The following PDLIM3 variants were observed in gnomAD, a reference collection of about 807,000 sequenced individuals.
The protein encoded by PDLIM3 is PDZ and LIM domain 3.
In PDLIM3, 36 loss-of-function variants were observed where a neutral mutation model predicts 37.3. That is an observed-to-expected ratio of 0.97 (90% CI 0.74 to 1.28). The LOEUF (loss-of-function observed/expected upper bound fraction) is 1.28, where lower values mean the gene tolerates loss of function less well. PDLIM3 is among the 50% of genes most tolerant of loss of function. The pLI is 0.00. For missense variants in PDLIM3, 454 were observed against 485.0 expected (o/e 0.94, Z 0.60); for synonymous variants, 174 against 182.4 (o/e 0.95, Z 0.37).
chr4:185,523,424 G>C lies in PDLIM3; in HGVS notation c.268C>G (p.Pro90Ala), dbSNP rs1355493976. The C allele has an allele frequency of 1.9e-5, 30 of 1,608,848 alleles. No homozygotes were observed. The highest frequency in any genetic ancestry group is 2.5e-5 in the Non-Finnish European group (29 of 1,175,566). ...IDRGETHLWS[P>A]QVSEDGKAHP... ...GCTTTCCCATCTTCAGATACTTGTG[G>C]AGACCATAAGTGAGTTTCTCCCCTG... Residue 90 changes from proline (P) to alanine (A), a missense_variant, in exon 3 of 8, where the codon CCA (proline) becomes GCA (alanine). Coordinates refer to ENST00000284767, the MANE Select transcript of PDLIM3 (RefSeq NM_014476.6).
At chr4:185,524,994 T>C (rs921228965) in intron 2 of PDLIM3, 26 bp downstream of exon 2, 2 of 1,612,242 alleles carry the variant, frequency 1.2e-6, no homozygotes, top group Non-Finnish European at 8.5e-7. Flanking sequence ...ACAGATCAGA[T>C]TTAAGCACCA....
At chr4:185,513,874 T>G in intron 4 of PDLIM3, 1 of 1,160,464 alleles carries the variant, frequency 8.6e-7, no homozygotes, top group Non-Finnish European at 1.1e-6. Context: ...CATTCTGGCT[T>G]GTTCACCTGA....
At position 185,504,337 on chromosome 4, in the gene PDLIM3, G is replaced by A; in HGVS notation, c.905+138C>T. 2.8e-6 allele frequency: 2 copies of A among 714,962 alleles called. No homozygotes were observed. The highest frequency in any genetic ancestry group is 4.6e-4 in the Middle Eastern group (2 of 4,320). The allele number at this position is 714,962 out of a possible 1,614,324, so 44.3% of individuals were successfully genotyped here. On this transcript the variant is annotated intron_variant, in intron 7 of 7. Coordinates refer to ENST00000284767, the MANE Select transcript of PDLIM3 (RefSeq NM_014476.6). The surrounding 1 kb of genome is among the most constrained non-coding windows in gnomAD (Gnocchi z 4.7). ...GAGTGACAGTCACAATGTGCTAAAT[G>A]TTGGGGACCTTACGTTTCAAGTTGA...
Position 185,506,568 on chromosome 4 carries a change from C to T in PDLIM3, c.747G>A (p.Gln249=). 6.2e-7 allele frequency: 1 copy of T among 1,613,464 alleles called. No homozygotes were observed. Among genetic ancestry groups the T allele is most frequent in the Non-Finnish European group, 8.5e-7 (1 of 1,180,026 alleles). Reference sequence around the variant, plus strand: ...CCTGGAGCACTCTGAAGGAGCCCGACTGGCGAGGCTGTGTGGGCTCATTCC... The same window carrying T: ...CCTGGAGCACTCTGAAGGAGCCCGATTGGCGAGGCTGTGTGGGCTCATTCC... ...DNRNEPTQPR[Q]SGSFRVLQGM... Residue 249 remains glutamine, a synonymous_variant, in exon 6 of 8, where the codon CAG becomes CAA. Transcript: ENST00000284767.
rs878854983 is a variant in PDLIM3 at position 185,506,537 on chromosome 4, C to T, written c.778G>A (p.Val260Met). The T allele has an allele frequency of 3.1e-6, 5 of 1,613,674 alleles. No homozygotes were observed. Among genetic ancestry groups the T allele is most frequent in the Non-Finnish European group, 3.4e-6 (4 of 1,180,036 alleles). ...GGCTGCTCACCAGAGCCATCGTCCA[C>T]CATTCCCTGGAGCACTCTGAAGGAG... The part of the protein sequence containing the change: ...SGSFRVLQGM[V>M]DDGSDDRPAG... Residue 260 changes from valine to methionine, a missense_variant, in exon 6 of 8, where the codon GTG (valine) becomes ATG (methionine). Physicochemically the swap from Val to Met is conservative, Grantham distance 21 (BLOSUM62 1). Transcript: ENST00000284767.
intron 3 of PDLIM3, 93 bp downstream of exon 3, chr4:185,523,269 C>G (rs1192985888): frequency 2.4e-6 from 2 of 832,272 alleles, no homozygotes; most frequent in African/African-American, 1.7e-5. Context: ...GTGGCTTGTT[C>G]CAATTTTTCT....
chr4:185,529,364 T>C (rs1301869525), intron 1 of PDLIM3, among the ~76,000 whole-genome samples: 1 of 152,262 alleles, frequency 6.6e-6, no homozygotes, highest in Admixed American at 6.5e-5. Context: ...GCATCTATAA[T>C]GTCCTATTTA....
chr4:185,515,592 T>C (rs1441461700), intron 3 of PDLIM3: 1 of 152,214 alleles, frequency 6.6e-6, no homozygotes, highest in African/African-American at 2.4e-5. Context: ...ATGTTTACTC[T>C]AGTCCCCAAA....
chr4:185,514,992 CACG>C lies in PDLIM3; in HGVS notation c.331-658_331-656del. On this transcript the variant is annotated intron_variant, in intron 3 of 7. Transcript: ENST00000284767. The surrounding 1 kb of genome is among the most constrained non-coding windows in gnomAD (Gnocchi z 4.0). ...TACTGTTAATAAAGGCATCTTTACC[CACG>C]ACGAGATTGACGGAAAGATTAGAGG... The C allele has an allele frequency of 1.1e-6, 1 of 894,646 alleles. No homozygotes were observed. The highest frequency in any genetic ancestry group is 1.6e-6 in the Non-Finnish European group (1 of 609,640). The allele number at this position is 894,646 out of a possible 1,614,324, so 55.4% of individuals were successfully genotyped here. A position where few individuals can be genotyped will look rare whatever the true frequency, so the allele number is the denominator to read the frequency against.
At position 185,514,788 on chromosome 4, in the gene PDLIM3, A is replaced by C. The variant is rs2095712314; in HGVS notation, c.331-451T>G. ...CTAGTTGAATAGAGCCCAATTGGCG[A>C]GTTATAGGAAGCGCTCACTACCTGT... On this transcript the variant is annotated intron_variant, in intron 3 of 7. Coordinates refer to ENST00000284767, the MANE Select transcript of PDLIM3 (RefSeq NM_014476.6). The surrounding 1 kb of genome is among the most constrained non-coding windows in gnomAD (Gnocchi z 4.0). 3 of 1,551,850 alleles carry C rather than the reference A, an allele frequency of 1.9e-6. No individual in the cohort carries two copies. In the East Asian group the frequency reaches 7.3e-5, roughly 38 times the overall value.
chr4:185,533,597 A>C (rs150935422), intron 1 of PDLIM3, among the ~76,000 whole-genome samples: 1 of 152,320 alleles, frequency 6.6e-6, no homozygotes, highest in East Asian at 1.9e-4. Flanking sequence ...CAAATGTCAA[A>C]AATGAGTGAT....
intron 4 of PDLIM3, chr4:185,512,113 G>A (rs1278618982): frequency 5.2e-5 from 2 of 38,502 alleles, no homozygotes; most frequent in African/African-American, 2.0e-4. Flanking sequence ...TTTTTTTTTT[G>A]AGATGGAGTC....
intron 4 of PDLIM3, chr4:185,513,682 T>A: frequency 1.0e-6 from 1 of 995,472 alleles, no homozygotes; most frequent in Non-Finnish European, 1.2e-6. Context: ...CTGGCTTAGC[T>A]GAGGTCAGAA....
intron 4 of PDLIM3, among the ~76,000 whole-genome samples, chr4:185,511,013 G>C (rs1225654316): frequency 6.6e-6 from 1 of 152,216 alleles, no homozygotes; most frequent in Non-Finnish European, 1.5e-5. Flanking sequence ...GGTTGACTTA[G>C]TGACTTGGCA....
Position 185,508,504 on chromosome 4 carries a change from CAGA to C in PDLIM3, c.454_456del (p.Ser152del), listed in dbSNP as rs2095701662. The C allele has an allele frequency of 6.2e-7, 1 of 1,614,100 alleles. No individual in the cohort carries two copies. Among genetic ancestry groups the C allele is most frequent in the Non-Finnish European group, 8.5e-7 (1 of 1,180,010 alleles). ...GGGCAAATGGTACTAACAGTACTGACAGAAGAAGGGGTGCTGCGTCCACTGCCA... is the reference window on the plus strand; with the variant it reads ...GGGCAAATGGTACTAACAGTACTGACAGAAGGGGTGCTGCGTCCACTGCCA... On this transcript the variant is annotated inframe_deletion, in exon 5 of 8. Transcript: ENST00000284767.
intron 1 of PDLIM3, 91 bp downstream of exon 1, chr4:185,535,251 G>T: frequency 1.7e-6 from 2 of 1,207,094 alleles, no homozygotes; most frequent in Non-Finnish European, 1.2e-6. Context: ...CGCGCTTTCT[G>T]GCCGCCCTCG....
chr4:185,512,848 G>C, intron 4 of PDLIM3: 1 of 985,252 alleles, frequency 1.0e-6, no homozygotes, highest in Non-Finnish European at 1.2e-6. Context: ...GTTGGGGTGG[G>C]GAAGCTGTTG....
chr4:185,521,814 C>T (rs2095723806), intron 3 of PDLIM3, among the ~76,000 whole-genome samples: 1 of 65,704 alleles, frequency 1.5e-5, no homozygotes, highest in African/African-American at 2.8e-5. Flanking sequence ...ATTTTTAGGC[C>T]CTCCAGTTCC....
chr4:185,534,168 G>A (rs985392405), intron 1 of PDLIM3, among the ~76,000 whole-genome samples: 10 of 152,128 alleles, frequency 6.6e-5, no homozygotes, highest in Admixed American at 5.2e-4. Flanking sequence ...CATTGTATGC[G>A]TCTGTAGGAT....
Sources: allele counts gnomAD v4.1 joint callset (sites outside exome capture counted in the v4.1 genomes callset), GRCh38; gene constraint gnomAD v4.1.1; non-coding constraint Gnocchi (gnomAD v3.1); transcripts MANE v1.5; gene names NCBI Gene and HGNC (gene_info 2026-07-23, HGNC 2026-07-21).